SAMD12: variants seen among roughly 807,000 people sequenced by gnomAD.
The protein encoded by SAMD12 is sterile alpha motif domain-containing protein 12.
In SAMD12, 9 loss-of-function variants were observed where a neutral mutation model predicts 15.0. That is an observed-to-expected ratio of 0.60 (90% CI 0.36 to 1.05). SAMD12 has a LOEUF of 1.05. Among genes scored for constraint, SAMD12 ranks in the 50% least tolerant of loss-of-function variants. The probability of loss-of-function intolerance (pLI) is 0.01; values close to 1 mark genes in which losing one functional copy is unlikely to be tolerated. For missense variants in SAMD12, 230 were observed against 234.2 expected (o/e 0.98, Z 0.12); for synonymous variants, 86 against 90.1 (o/e 0.96, Z 0.25).
downstream of SAMD12, among the ~76,000 whole-genome samples, chr8:118,373,588 C>G (rs1819219824): frequency 6.6e-6 from 1 of 152,140 alleles, no homozygotes; most frequent in South Asian, 2.1e-4. Flanking sequence ...TAAAATTTGA[C>G]ACATATATTT....
chr8:118,427,373 A>C (rs1159729105), intron 3 of SAMD12, among the ~76,000 whole-genome samples: 1 of 152,222 alleles, frequency 6.6e-6, no homozygotes, highest in African/African-American at 2.4e-5. Context: ...AATAAATCCC[A>C]CATATTTGAA....
chr8:118,379,723 A>G (rs1181088634), intron 3 of SAMD12, 23 bp from the exon 4 acceptor site: 4 of 1,603,360 alleles, frequency 2.5e-6, no homozygotes, highest in Non-Finnish European at 2.6e-6. Context: ...AAGAAATAAA[A>G]GGAAAAGCAA....
At chr8:118,468,256 T>A (rs535422909) in intron 2 of SAMD12, among the ~76,000 whole-genome samples, 2 of 152,134 alleles carry the variant, frequency 1.3e-5, no homozygotes, top group African/African-American at 4.8e-5. Context: ...ATCATAATCT[T>A]TGGCAGATTC....
intron 4 of SAMD12, among the ~76,000 whole-genome samples, chr8:118,241,454 T>C (rs533456962): frequency 6.6e-6 from 1 of 152,288 alleles, no homozygotes; most frequent in Non-Finnish European, 1.5e-5. Context: ...CTTAGACCAA[T>C]GTAGTAAGTC....
intron 4 of SAMD12, among the ~76,000 whole-genome samples, chr8:118,364,399 C>G (rs2630104): frequency 6.6e-6 from 1 of 152,084 alleles, no homozygotes; most frequent in African/African-American, 2.4e-5. Flanking sequence ...GGGCTCCATC[C>G]TAGTTTGGGT....
intron 3 of SAMD12, among the ~76,000 whole-genome samples, chr8:118,402,208 T>G (rs983391203): frequency 6.6e-6 from 1 of 152,172 alleles, no homozygotes; most frequent in Non-Finnish European, 1.5e-5. Flanking sequence ...TAGAAAAGGC[T>G]TATTAGATCA....
chr8:118,317,199 A>G (rs73323603), intron 4 of SAMD12, among the ~76,000 whole-genome samples: 4,198 of 152,222 alleles, frequency 0.028, 172 homozygotes, highest in African/African-American at 0.094. Flanking sequence ...AAGAAAATCA[A>G]TGTCTGTTGT....
chr8:118,494,421 A>T (rs948517789), intron 2 of SAMD12, among the ~76,000 whole-genome samples: 2 of 152,226 alleles, frequency 1.3e-5, no homozygotes, highest in Non-Finnish European at 1.5e-5. Flanking sequence ...CTTTGCAAAC[A>T]CCAGCAGTAG....
At chr8:118,385,023 GC>G (rs748442256) in intron 3 of SAMD12, among the ~76,000 whole-genome samples, 8 of 152,144 alleles carry the variant, frequency 5.3e-5, no homozygotes, top group Non-Finnish European at 1.0e-4. Context: ...GTACTCTGCT[GC>G]AGTCTTGGAA....
intron 4 of SAMD12, among the ~76,000 whole-genome samples, chr8:118,346,398 T>C (rs1437432235): frequency 1.3e-5 from 2 of 152,170 alleles, no homozygotes; most frequent in Non-Finnish European, 2.9e-5. Context: ...TCTCTCAATA[T>C]ATATTCAATC....
chr8:118,486,447 A>G (rs1824289619), intron 2 of SAMD12, among the ~76,000 whole-genome samples: 1 of 151,510 alleles, frequency 6.6e-6, no homozygotes, highest in South Asian at 2.1e-4. Flanking sequence ...GTAGCAAAAG[A>G]TGGGGTTAGA....
the SAMD12 span, among the ~76,000 whole-genome samples, chr8:118,177,060 C>T: frequency 0.013 from 1,903 of 152,098 alleles, 44 homozygotes; most frequent in African/African-American, 0.043. Context: ...TAGTAAGGTC[C>T]CAAGATGGGA....
intron 2 of SAMD12, among the ~76,000 whole-genome samples, chr8:118,576,752 T>G (rs1459524300): frequency 6.6e-6 from 1 of 152,142 alleles, no homozygotes; most frequent in Non-Finnish European, 1.5e-5. Flanking sequence ...TGGCTTTGTC[T>G]TGAGTCTACA....
intron 4 of SAMD12, among the ~76,000 whole-genome samples, chr8:118,247,573 A>C (rs1812725707): frequency 6.6e-6 from 1 of 151,920 alleles, no homozygotes; most frequent in Admixed American, 6.5e-5. Context: ...AAAAACTTTA[A>C]AAATTTTATT....
At position 118,291,648 on chromosome 8, in the gene SAMD12, A is replaced by G. The variant is rs76477392; in HGVS notation, c.433+87912T>C. ...TTTACTAACTTCCTGAAGCTTCCCT[A>G]TTATCATCTATTATTATTTAGTTCG... On this transcript the variant is annotated intron_variant, in intron 4 of 4. Coordinates refer to the SAMD12 transcript ENST00000409003. 1.3e-3 allele frequency among the ~76,000 whole-genome samples: 196 copies of G among 152,066 alleles called. 2 individuals carry two copies. Among genetic ancestry groups the G allele is most frequent in the Non-Finnish European group, 2.2e-3 (147 of 67,990 alleles).
At chr8:118,515,445 G>A (rs907072712) in intron 2 of SAMD12, among the ~76,000 whole-genome samples, 3 of 152,012 alleles carry the variant, frequency 2.0e-5, no homozygotes, top group South Asian at 2.1e-4. Context: ...GTGGAACTGT[G>A]AGCCAATTAA....
intron 4 of SAMD12, among the ~76,000 whole-genome samples, chr8:118,228,257 G>C (rs1812227482): frequency 6.6e-6 from 1 of 152,152 alleles, no homozygotes; most frequent in African/African-American, 2.4e-5. Context: ...AAAAGCAAAT[G>C]CAATGAAAAC....
intron 4 of SAMD12, among the ~76,000 whole-genome samples, chr8:118,257,036 G>A (rs1812961917): frequency 6.6e-6 from 1 of 151,920 alleles, no homozygotes; most frequent in African/African-American, 2.4e-5. Context: ...TGCTCATGCT[G>A]CAAACACACT....
intron 4 of SAMD12, among the ~76,000 whole-genome samples, chr8:118,345,400 G>A (rs569092181): frequency 6.6e-6 from 1 of 152,252 alleles, no homozygotes; most frequent in Admixed American, 6.5e-5. Flanking sequence ...GACTGTATAA[G>A]CAATAAAGTG....
Sources: gnomAD v4.1 joint callset for allele counts (sites outside exome capture counted in the v4.1 genomes callset) on GRCh38, gnomAD v4.1.1 for gene constraint, MANE v1.5 for transcripts, NCBI Gene and HGNC (gene_info 2026-07-23, HGNC 2026-07-21) for gene names.